Variants in CCSER1 observed in about 807,000 individuals in gnomAD.
The protein encoded by CCSER1 is serine-rich coiled-coil domain-containing protein 1.
Under a neutral mutation model 82.0 loss-of-function variants are expected in CCSER1, and 41 were observed. The ratio of observed to expected loss-of-function variants is 0.50; its 90% CI spans 0.39 to 0.65. The LOEUF (loss-of-function observed/expected upper bound fraction) is 0.65, where lower values mean the gene tolerates loss of function less well. Ranked by LOEUF, CCSER1 falls within the 30% of genes least tolerant of loss-of-function variation. The pLI, the probability that CCSER1 is intolerant of heterozygous loss-of-function variation, is 0.00. For synonymous variants in CCSER1, 414 were observed against 383.9 expected (o/e 1.08, Z -0.92); for missense variants, 1,119 against 1,064.2 (o/e 1.05, Z -0.72).
intron 1 of CCSER1, among the ~76,000 whole-genome samples, chr4:90,166,344 C>G (rs996988973): frequency 6.6e-6 from 1 of 151,778 alleles, no homozygotes; most frequent in South Asian, 2.1e-4. Flanking sequence ...GGGCACAACC[C>G]AATCATAAGG....
At chr4:90,945,691 G>A (rs765745423) in intron 9 of CCSER1, among the ~76,000 whole-genome samples, 4 of 151,954 alleles carry the variant, frequency 2.6e-5, no homozygotes, top group Non-Finnish European at 5.9e-5. Flanking sequence ...ATTTCTTCTC[G>A]CTTAGCTTGT....
At chr4:90,571,295 C>T (rs929357939) in intron 5 of CCSER1, among the ~76,000 whole-genome samples, 3 of 152,108 alleles carry the variant, frequency 2.0e-5, no homozygotes, top group African/African-American at 7.2e-5. Context: ...TTTATTGCAA[C>T]ACTATTCACA....
chr4:90,875,422 A>T (rs968309475), intron 8 of CCSER1, among the ~76,000 whole-genome samples: 1 of 152,164 alleles, frequency 6.6e-6, no homozygotes, highest in Admixed American at 6.6e-5. Context: ...CTCTCTTCTG[A>T]CACATGAGAA....
At chr4:90,438,976 G>A (rs991798630) in intron 4 of CCSER1, among the ~76,000 whole-genome samples, 1 of 152,122 alleles carries the variant, frequency 6.6e-6, no homozygotes, top group African/African-American at 2.4e-5. Flanking sequence ...AAACTGGCAT[G>A]CTATTATGCT....
chr4:90,437,368 A>G (rs1759179851), intron 4 of CCSER1, among the ~76,000 whole-genome samples: 2 of 152,136 alleles, frequency 1.3e-5, no homozygotes, highest in African/African-American at 2.4e-5. Flanking sequence ...ATTTAGATAC[A>G]TGTTTTTATC....
intron 5 of CCSER1, among the ~76,000 whole-genome samples, chr4:90,595,052 T>G (rs924792544): frequency 9.2e-5 from 14 of 152,058 alleles, no homozygotes; most frequent in African/African-American, 2.9e-4. Context: ...ACAAGTGTTT[T>G]GAGTTACTTA....
At chr4:90,519,013 A>G (rs1772697605) in intron 5 of CCSER1, among the ~76,000 whole-genome samples, 1 of 151,914 alleles carries the variant, frequency 6.6e-6, no homozygotes, top group Non-Finnish European at 1.5e-5. Flanking sequence ...GAATTATTAC[A>G]TGAAATATTT....
intron 10 of CCSER1, among the ~76,000 whole-genome samples, chr4:91,378,412 C>T (rs563299312): frequency 1.3e-5 from 2 of 152,064 alleles, no homozygotes; most frequent in African/African-American, 4.8e-5. Flanking sequence ...TGTTTGTGTC[C>T]TCTTTTATTT....
At chr4:91,451,798 A>G (rs1207961302) in intron 10 of CCSER1, among the ~76,000 whole-genome samples, 1 of 151,988 alleles carries the variant, frequency 6.6e-6, no homozygotes, top group Non-Finnish European at 1.5e-5. Flanking sequence ...AGAATTTAAA[A>G]ATAAAACTTT....
At chr4:91,154,193 C>T (rs1406649825) in intron 10 of CCSER1, among the ~76,000 whole-genome samples, 1 of 152,040 alleles carries the variant, frequency 6.6e-6, no homozygotes, top group Non-Finnish European at 1.5e-5. Context: ...TGTTTACCTA[C>T]TCAAGCCTCA....
rs115436654 is a variant in CCSER1 at position 90,808,241 on chromosome 4, G to A, written c.2011-7521G>A. 8.3e-3 allele frequency among the ~76,000 whole-genome samples: 1,265 copies of A among 152,050 alleles called. 18 individuals are homozygous for A. Among genetic ancestry groups the A allele is most frequent in the African/African-American group, 0.029 (1,195 of 41,480 alleles). On this transcript the variant is annotated intron_variant, in intron 7 of 10. Transcript: ENST00000509176. Reference sequence around the variant, plus strand: ...TTCTCACCATGTACAAAAATTAACGGAAGATGGATTAAAGACTTAAATCTA... The same window carrying A: ...TTCTCACCATGTACAAAAATTAACGAAAGATGGATTAAAGACTTAAATCTA...
intron 1 of CCSER1, among the ~76,000 whole-genome samples, chr4:90,228,396 A>C (rs1024496316): frequency 6.6e-6 from 1 of 152,090 alleles, no homozygotes; most frequent in Non-Finnish European, 1.5e-5. Context: ...ACTCCAACAG[A>C]CCTGCAGCTG....
At chr4:90,530,940 A>G (rs1294896186) in intron 5 of CCSER1, among the ~76,000 whole-genome samples, 1 of 152,190 alleles carries the variant, frequency 6.6e-6, no homozygotes, top group Non-Finnish European at 1.5e-5. Flanking sequence ...CAGAAGAAAA[A>G]TTAAAATACT....
At position 91,598,803 on chromosome 4, in the gene CCSER1, G is replaced by C; in HGVS notation, c.2449G>C (p.Val817Leu). 1 of 1,551,604 alleles carries C rather than the reference G, an allele frequency of 6.4e-7. No individual in the cohort carries two copies. The highest frequency in any genetic ancestry group is 2.4e-5 in the East Asian group (1 of 40,924). ...AACTTATGAAACCCTCACTTCAGAC[G>C]TTACACAGAACTTACGGGCCACCGT... is the stretch of plus-strand genomic sequence containing the variant. ...RGTYETLTSD[V>L]TQNLRATVGQ... The change falls in exon 11 of 11, where the codon GTT (valine) becomes CTT (leucine). Residue 817 changes from valine (V) to leucine (L), a missense_variant. Coordinates refer to ENST00000509176, the MANE Select transcript of CCSER1 (RefSeq NM_001145065.2).
At position 90,324,151 on chromosome 4, in the gene CCSER1, G is replaced by A. The variant is rs188608680; in HGVS notation, c.1509+11104G>A. Among the ~76,000 whole-genome samples, 3 of 152,256 alleles carry A rather than the reference G, an allele frequency of 2.0e-5. No individual in the cohort carries two copies. The East Asian group carries it at 5.8e-4, about 29-fold the overall frequency. On this transcript the variant is annotated intron_variant, in intron 3 of 10. Coordinates refer to ENST00000509176, the MANE Select transcript of CCSER1 (RefSeq NM_001145065.2). ...ACATACGTGTGCATGTGTCTTTATAGCAGCATGATTTACAATCCTTTGGGT... is the reference window on the plus strand; with the variant it reads ...ACATACGTGTGCATGTGTCTTTATAACAGCATGATTTACAATCCTTTGGGT...
chr4:91,541,700 G>A lies in CCSER1; in HGVS notation c.2218-56872G>A, dbSNP rs541871204. 2.4e-4 allele frequency among the ~76,000 whole-genome samples: 37 copies of A among 152,254 alleles called. No individual in the cohort carries two copies. The South Asian group carries it at 7.5e-3, about 31-fold the overall frequency. Reference sequence around the variant, plus strand: ...CCACAATAAACATACGTGTGCATGTGTCTTTATAGCAGCATGATTTATAAT... The same window carrying A: ...CCACAATAAACATACGTGTGCATGTATCTTTATAGCAGCATGATTTATAAT... On this transcript the variant is annotated intron_variant, in intron 10 of 10. Coordinates refer to ENST00000509176, the MANE Select transcript of CCSER1 (RefSeq NM_001145065.2).
intron 10 of CCSER1, among the ~76,000 whole-genome samples, chr4:91,297,365 TTGTGTGTGTGTGTGTGTGTA>T (rs1176040377): frequency 0.012 from 1,524 of 128,880 alleles, 29 homozygotes; most frequent in African/African-American, 0.043. Flanking sequence ...GAATGGATGC[TTGTGTGTGTGTGTGTGTGTA>T]TGTGTGTGTG....
intron 5 of CCSER1, among the ~76,000 whole-genome samples, chr4:90,617,195 A>C (rs1224851278): frequency 6.6e-6 from 1 of 152,096 alleles, no homozygotes; most frequent in African/African-American, 2.4e-5. Context: ...TGGTGGAGGT[A>C]TGTCTTAGGA....
At chr4:91,133,398 T>TA (rs903523223) in intron 10 of CCSER1, among the ~76,000 whole-genome samples, 44 of 152,090 alleles carry the variant, frequency 2.9e-4, no homozygotes, top group African/African-American at 1.0e-3. Context: ...TGAAGTCAGA[T>TA]ATTGATCACA....
Sources: allele counts gnomAD v4.1 joint callset (sites outside exome capture counted in the v4.1 genomes callset), GRCh38; gene constraint gnomAD v4.1.1; transcripts MANE v1.5; gene names NCBI Gene and HGNC (gene_info 2026-07-23, HGNC 2026-07-21).